VCAN: variants seen among roughly 807,000 people sequenced by gnomAD.
The protein encoded by VCAN is versican core protein.
In VCAN, 44 loss-of-function variants were observed where a neutral mutation model predicts 245.5. The ratio of observed to expected loss-of-function variants is 0.18; its 90% CI spans 0.14 to 0.23. VCAN has a LOEUF of 0.23. Among genes scored for constraint, VCAN ranks in the 10% least tolerant of loss-of-function variants. The pLI is 1.00. For missense variants in VCAN, 3,793 were observed against 4,057.9 expected (o/e 0.93, Z 1.77); for synonymous variants, 1,413 against 1,437.0 (o/e 0.98, Z 0.38).
intron 1 of VCAN, among the ~76,000 whole-genome samples, chr5:83,477,311 G>T (rs1744424861): frequency 1.3e-5 from 2 of 152,094 alleles, no homozygotes; most frequent in African/African-American, 4.8e-5. Context: ...TCAGAGAGGG[G>T]CATATTGTTT....
At position 83,520,073 on chromosome 5, in the gene VCAN, C is replaced by T. The variant is rs1236221972; in HGVS notation, c.1767C>T (p.Thr589=). Residue 589 remains threonine, a synonymous_variant, in exon 7 of 15, where the codon ACC becomes ACT. Coordinates refer to ENST00000265077, the MANE Select transcript of VCAN (RefSeq NM_004385.5). ...VITVSKTSED[T]IHTHLEDLES... ...CGGTGTCAAAGACTTCAGAAGACAC[C>T]ATCCACACTCATTTAGAAGACTTGG... is the stretch of plus-strand genomic sequence containing the variant. The T allele has an allele frequency of 6.8e-6, 11 of 1,614,032 alleles. 1 individual carries two copies. The Admixed American group carries it at 1.8e-4, about 27-fold the overall frequency.
At position 83,539,770 on chromosome 5, in the gene VCAN, T is replaced by C. The variant is rs146630369; in HGVS notation, c.6767T>C (p.Leu2256Pro). The C allele has an allele frequency of 1.3e-3, 2,043 of 1,614,044 alleles. No homozygotes were observed. The highest frequency in any genetic ancestry group is 1.6e-3 in the Non-Finnish European group (1,926 of 1,180,008). Reference sequence around the variant, plus strand: ...GATACTGAGCTCTTATTCTCTGGACTGGGATCAGGAGAAGAAGTTTTACCT... The same window carrying C: ...GATACTGAGCTCTTATTCTCTGGACCGGGATCAGGAGAAGAAGTTTTACCT... ...ESDTELLFSG[L>P]GSGEEVLPTL... Residue 2256 changes from leucine to proline, a missense_variant, in exon 8 of 15, where the codon CTG becomes CCG. Physicochemically the swap from Leu to Pro is moderately conservative, Grantham distance 98. Transcript: ENST00000265077.
chr5:83,571,863 G>A (rs1259376529), intron 12 of VCAN, among the ~76,000 whole-genome samples: 2 of 152,082 alleles, frequency 1.3e-5, no homozygotes, highest in Non-Finnish European at 2.9e-5. Flanking sequence ...AAATACAAAA[G>A]ATAAATATTG....
chr5:83,519,329 CT>C lies in VCAN; in HGVS notation c.1043-17del. The C allele has an allele frequency of 6.2e-7, 1 of 1,613,164 alleles. No homozygotes were observed. The highest frequency in any genetic ancestry group is 8.5e-7 in the Non-Finnish European group (1 of 1,179,494). Reference sequence around the variant, plus strand: ...TTATTAGTGACTTGTCTAATCAACTCTTTGAAATTATTTTTCTAGCTAAAGA... The same window carrying C: ...TTATTAGTGACTTGTCTAATCAACTCTTGAAATTATTTTTCTAGCTAAAGA... On this transcript the variant is annotated intron_variant, in intron 6 of 14. Transcript: ENST00000265077.
chr5:83,529,402 A>AACC (rs1178121332), intron 7 of VCAN, among the ~76,000 whole-genome samples: 1 of 151,736 alleles, frequency 6.6e-6, no homozygotes, highest in Non-Finnish European at 1.5e-5. Context: ...CACAAATAAA[A>AACC]ACCCAACACA....
intron 1 of VCAN, among the ~76,000 whole-genome samples, chr5:83,475,033 C>G (rs1744336828): frequency 6.6e-6 from 1 of 152,094 alleles, no homozygotes; most frequent in Admixed American, 6.5e-5. Flanking sequence ...ACTCTAAAGC[C>G]CATTCTTAGT....
At chr5:83,493,972 A>G (rs903067897) in intron 5 of VCAN, 41 bp downstream of exon 5, 3 of 1,613,210 alleles carry the variant, frequency 1.9e-6, no homozygotes, top group Non-Finnish European at 1.7e-6. Flanking sequence ...TGAACTGAGA[A>G]AACTGAGGGA....
chr5:83,560,827 A>G (rs888577790), intron 12 of VCAN, among the ~76,000 whole-genome samples: 33 of 152,012 alleles, frequency 2.2e-4, no homozygotes, highest in African/African-American at 8.0e-4. Context: ...TGGGCTCCAC[A>G]TTGTTCCTTT....
At chr5:83,497,728 G>T (rs1375717896) in intron 5 of VCAN, among the ~76,000 whole-genome samples, 1 of 152,156 alleles carries the variant, frequency 6.6e-6, no homozygotes, top group African/African-American at 2.4e-5. Flanking sequence ...CATTGGGAGG[G>T]TTTTAAGGTA....
intron 2 of VCAN, among the ~76,000 whole-genome samples, chr5:83,488,357 G>GA (rs1414904653): frequency 6.6e-6 from 1 of 152,184 alleles, no homozygotes; most frequent in African/African-American, 2.4e-5. Context: ...AAAAGGAACT[G>GA]AAAAGAACAC....
chr5:83,540,608 C>G lies in VCAN; in HGVS notation c.7605C>G (p.Asn2535Lys), dbSNP rs1746934902. Residue 2535 changes from asparagine (N) to lysine (K), a missense_variant, in exon 8 of 15, where the codon AAC (asparagine) becomes AAG (lysine). Transcript: ENST00000265077. ...TCGAGGATTCCACCTTAAAACCTAA[C>G]AGAAAAAAACCCACTGAAAATATTA... ...REFEDSTLKP[N>K]RKKPTENIII... The G allele has an allele frequency of 6.2e-7, 1 of 1,613,632 alleles. No individual in the cohort carries two copies. Among genetic ancestry groups the G allele is most frequent in the Non-Finnish European group, 8.5e-7 (1 of 1,179,940 alleles).
chr5:83,572,865 ATT>A (rs1554043618), intron 13 of VCAN, among the ~76,000 whole-genome samples: 1 of 31,510 alleles, frequency 3.2e-5, no homozygotes, highest in Admixed American at 4.9e-4. Flanking sequence ...TTTTATTTTT[ATT>A]TATTTATTTA....
intron 2 of VCAN, 95 bp from the exon 3 acceptor site, chr5:83,490,003 A>G: frequency 7.3e-7 from 1 of 1,366,440 alleles, no homozygotes; most frequent in Non-Finnish European, 1.0e-6. Flanking sequence ...AGATGTAACC[A>G]AACTATTATA....
intron 5 of VCAN, among the ~76,000 whole-genome samples, chr5:83,510,294 TG>T (rs1408493707): frequency 1.3e-5 from 2 of 152,244 alleles, no homozygotes; most frequent in African/African-American, 4.8e-5. Context: ...AGCCGATATG[TG>T]TGCTTTGGCC....
intron 12 of VCAN, among the ~76,000 whole-genome samples, chr5:83,556,705 A>G (rs571149321): frequency 3.3e-5 from 5 of 152,226 alleles, no homozygotes; most frequent in African/African-American, 9.6e-5. Context: ...ATTAATAGCG[A>G]TTGGTATAGC....
intron 2 of VCAN, among the ~76,000 whole-genome samples, chr5:83,486,202 A>C (rs1290154093): frequency 6.6e-6 from 1 of 152,172 alleles, no homozygotes; most frequent in Admixed American, 6.5e-5. Flanking sequence ...GCTGTTGCAG[A>C]TATAATAACA....
At chr5:83,524,536 GTACCTACCTACCTACCTACC>G (rs58462835) in intron 7 of VCAN, among the ~76,000 whole-genome samples, 212 of 147,376 alleles carry the variant, frequency 1.4e-3, no homozygotes, top group African/African-American at 4.1e-3. Context: ...ACCTACCTGC[GTACCTACCTACCTACCTACC>G]TACCTACCTA....
chr5:83,485,819 G>A (rs1744773614), intron 2 of VCAN, among the ~76,000 whole-genome samples: 1 of 152,156 alleles, frequency 6.6e-6, no homozygotes, highest in Admixed American at 6.5e-5. Flanking sequence ...CTCCTCCTTG[G>A]GTGGGTGCAG....
chr5:83,537,320 T>C lies in VCAN; in HGVS notation c.4317T>C (p.Pro1439=). ...ARRGQFESVA[P]SQNFSDSSES... ...GTGGCCAGTTTGAAAGTGTTGCACC[T>C]TCTCAGAATTTCTCGGACAGCTCTG... The change falls in exon 8 of 15, where the codon CCT becomes CCC. Residue 1439 remains proline, a synonymous_variant. Coordinates refer to ENST00000265077, the MANE Select transcript of VCAN (RefSeq NM_004385.5). The C allele has an allele frequency of 6.2e-7, 1 of 1,613,972 alleles. No homozygotes were observed. Among genetic ancestry groups the C allele is most frequent in the African/African-American group, 1.3e-5 (1 of 75,010 alleles).
Sources: gnomAD v4.1 joint callset for allele counts (sites outside exome capture counted in the v4.1 genomes callset) on GRCh38, gnomAD v4.1.1 for gene constraint, MANE v1.5 for transcripts, NCBI Gene and HGNC (gene_info 2026-07-23, HGNC 2026-07-21) for gene names.